Variants in CPA6 observed in about 807,000 individuals in gnomAD.
CPA6 encodes the protein carboxypeptidase A6, also known as carboxypeptidase B.
A neutral mutation model predicts 63.3 loss-of-function variants in CPA6; 58 were observed. That is an observed-to-expected ratio of 0.92 (90% CI 0.74 to 1.14). CPA6 has a LOEUF of 1.14. Among genes scored for constraint, CPA6 ranks in the 50% most tolerant of loss-of-function variants. The pLI, the probability that CPA6 is intolerant of heterozygous loss-of-function variation, is 0.00. For missense variants in CPA6, 565 were observed against 526.6 expected (o/e 1.07, Z -0.71); for synonymous variants, 185 against 179.0 (o/e 1.03, Z -0.27).
intron 2 of CPA6, among the ~76,000 whole-genome samples, chr8:67,523,190 A>G (rs1317541227): frequency 1.3e-5 from 2 of 152,136 alleles, no homozygotes; most frequent in Non-Finnish European, 2.9e-5. Context: ...TATTTTAAAT[A>G]TATTTGTTAG....
In CPA6 at chr8:67,543,006, G is replaced by A. The variant is rs945802049; in HGVS notation, c.193-24959C>T. 4.6e-5 allele frequency among the ~76,000 whole-genome samples: 7 copies of A among 152,208 alleles called. No homozygotes were observed. In the South Asian group the frequency reaches 6.2e-4, roughly 14 times the overall value. On this transcript the variant is annotated intron_variant, in intron 2 of 10. Transcript: ENST00000297770. ...TAATTATTTAGTATTTGTAGTATTCGTTAAGAACTTGACACACCTTTTAAA... is the reference window on the plus strand; with the variant it reads ...TAATTATTTAGTATTTGTAGTATTCATTAAGAACTTGACACACCTTTTAAA...
At position 67,572,213 on chromosome 8, in the gene CPA6, A is replaced by G. The variant is rs372581507; in HGVS notation, c.192+51963T>C. On this transcript the variant is annotated intron_variant, in intron 2 of 10. Transcript: ENST00000297770. ...AGTCTCCCATTGTTATAGTTTGAAT[A>G]TGGTTTGTTTATTCTCACCAAAACT... is the stretch of plus-strand genomic sequence containing the variant. Among the ~76,000 whole-genome samples, 11 of 152,304 alleles carry G rather than the reference A, an allele frequency of 7.2e-5. No homozygotes were observed. In the East Asian group the frequency reaches 7.7e-4, roughly 11 times the overall value.
intron 1 of CPA6, among the ~76,000 whole-genome samples, chr8:67,677,736 T>C (rs1422461445): frequency 1.3e-5 from 2 of 152,148 alleles, no homozygotes; most frequent in East Asian, 1.9e-4. Flanking sequence ...ATCTTTCAAA[T>C]ACCTAGGGTG....
chr8:67,589,873 G>T (rs981954033), intron 2 of CPA6, among the ~76,000 whole-genome samples: 8 of 150,730 alleles, frequency 5.3e-5, no homozygotes, highest in South Asian at 2.1e-4. Context: ...GTGTAGTGTT[G>T]TTTTTATTAT....
At position 67,484,160 on chromosome 8, in the gene CPA6, C is replaced by G. The variant is rs377194636; in HGVS notation, c.748-302G>C. 1.8e-4 allele frequency among the ~76,000 whole-genome samples: 28 copies of G among 152,202 alleles called. No individual in the cohort carries two copies. The East Asian group carries it at 3.9e-3, about 21-fold the overall frequency. ...TCTCGGCTCACTGCAAGTTCCGCCT[C>G]CCGGGTTCACACCATTCTCCTGCCT... On this transcript the variant is annotated intron_variant, in intron 7 of 10. Coordinates refer to ENST00000297770, the MANE Select transcript of CPA6 (RefSeq NM_020361.5).
intron 1 of CPA6, among the ~76,000 whole-genome samples, chr8:67,690,952 GT>G (rs1816802189): frequency 1.3e-5 from 2 of 152,110 alleles, no homozygotes; most frequent in South Asian, 4.1e-4. Flanking sequence ...GTACAAATCA[GT>G]TTTTGTATAA....
At chr8:67,559,723 T>A (rs190329113) in intron 2 of CPA6, among the ~76,000 whole-genome samples, 1 of 152,122 alleles carries the variant, frequency 6.6e-6, no homozygotes, top group Non-Finnish European at 1.5e-5. Flanking sequence ...CCTTTCCATA[T>A]CACAGCACAC....
In CPA6 at chr8:67,672,917, TA is replaced by T. The variant is rs200801560; in HGVS notation, c.117-48667del. Among the ~76,000 whole-genome samples, 3 of 152,284 alleles carry T rather than the reference TA, an allele frequency of 2.0e-5. 1 individual carries two copies. The highest frequency in any genetic ancestry group is 4.8e-5 in the African/African-American group (2 of 41,550). ...GGTATTATTTCACTAACTTTTTTTTTAAATCAGTTTTTTATGTAGCCAAGTG... is the reference window on the plus strand; with the variant it reads ...GGTATTATTTCACTAACTTTTTTTTTAATCAGTTTTTTATGTAGCCAAGTG... On this transcript the variant is annotated intron_variant, in intron 1 of 10. Transcript: ENST00000297770.
At chr8:67,731,228 C>A (rs1192884457) in intron 1 of CPA6, among the ~76,000 whole-genome samples, 3 of 152,180 alleles carry the variant, frequency 2.0e-5, no homozygotes, top group Non-Finnish European at 4.4e-5. Context: ...ATACAAGTTG[C>A]ATTTGAAGGA....
chr8:67,434,177 G>C lies in CPA6; in HGVS notation c.902C>G (p.Pro301Arg), dbSNP rs753468111. ...TYCGPFPESE[P>R]EVKAVANFLR... ...GAAGTTAGCTACAGCCTTCACTTCC[G>C]GCTCAGATTCTGGAAAAGGGCCACA... The change falls in exon 9 of 11, where the codon CCG (proline) becomes CGG (arginine). Residue 301 changes from proline (P) to arginine (R), a missense_variant. By Grantham distance (103) the Pro-to-Arg change is moderately radical. Transcript: ENST00000297770. 6.2e-7 allele frequency: 1 copy of C among 1,613,966 alleles called. No homozygotes were observed. Among genetic ancestry groups the C allele is most frequent in the Admixed American group, 1.7e-5 (1 of 60,000 alleles).
At chr8:67,453,946 G>C (rs1430231496) in intron 8 of CPA6, among the ~76,000 whole-genome samples, 35 of 152,344 alleles carry the variant, frequency 2.3e-4, no homozygotes, top group African/African-American at 8.4e-4. Context: ...CTGTTTGCCT[G>C]AGAAGCACAT....
chr8:67,634,213 ATTATTATTT>A (rs1281756279), intron 1 of CPA6, among the ~76,000 whole-genome samples: 4 of 86,044 alleles, frequency 4.6e-5, no homozygotes, highest in African/African-American at 1.8e-4. Flanking sequence ...TATTATTATT[ATTATTATTT>A]ATTTGTTTTT....
At chr8:67,685,550 C>T (rs1053908748) in intron 1 of CPA6, among the ~76,000 whole-genome samples, 3 of 152,236 alleles carry the variant, frequency 2.0e-5, no homozygotes, top group East Asian at 1.9e-4. Flanking sequence ...GCCCGGGAGG[C>T]GGAGCTTGCA....
At chr8:67,710,939 T>C (rs1226093440) in intron 1 of CPA6, among the ~76,000 whole-genome samples, 2 of 152,312 alleles carry the variant, frequency 1.3e-5, no homozygotes, top group Non-Finnish European at 1.5e-5. Context: ...ATTGTCTTAG[T>C]AATAAAAAAA....
At chr8:67,442,327 T>G (rs1810311423) in intron 8 of CPA6, among the ~76,000 whole-genome samples, 1 of 151,658 alleles carries the variant, frequency 6.6e-6, no homozygotes, top group African/African-American at 2.4e-5. Context: ...AATGTGATAT[T>G]GTAATATGAT....
chr8:67,542,392 G>C (rs1416120299), intron 2 of CPA6, among the ~76,000 whole-genome samples: 2 of 152,202 alleles, frequency 1.3e-5, no homozygotes, highest in Admixed American at 6.5e-5. Flanking sequence ...GTGGCTCTTT[G>C]AGAAAGGTTA....
intron 2 of CPA6, among the ~76,000 whole-genome samples, chr8:67,591,143 A>G (rs1439148638): frequency 6.6e-6 from 1 of 152,076 alleles, no homozygotes; most frequent in Non-Finnish European, 1.5e-5. Context: ...TAAATAAGGA[A>G]TCCTTTCCCC....
At chr8:67,608,857 G>A (rs765170322) in intron 2 of CPA6, among the ~76,000 whole-genome samples, 12 of 152,198 alleles carry the variant, frequency 7.9e-5, no homozygotes, top group Non-Finnish European at 1.3e-4. Context: ...TCCCATCTCA[G>A]TTCCACTGGT....
At chr8:67,597,824 T>C (rs528061667) in intron 2 of CPA6, among the ~76,000 whole-genome samples, 1 of 152,342 alleles carries the variant, frequency 6.6e-6, no homozygotes, top group South Asian at 2.1e-4. Flanking sequence ...AGGTGGATTG[T>C]TGTTCTTTTG....
Sources: allele counts gnomAD v4.1 joint callset (sites outside exome capture counted in the v4.1 genomes callset), GRCh38; gene constraint gnomAD v4.1.1; transcripts MANE v1.5; gene names NCBI Gene and HGNC (gene_info 2026-07-23, HGNC 2026-07-21).